Variants in DNAH7 observed in about 807,000 individuals in gnomAD.
DNAH7 encodes axonemal beta dynein heavy chain 7.
A neutral mutation model predicts 444.6 loss-of-function variants in DNAH7; 397 were observed. The ratio of observed to expected loss-of-function variants is 0.89; its 90% CI spans 0.82 to 0.97. The LOEUF is 0.97. Ranked by LOEUF, DNAH7 falls within the 50% of genes least tolerant of loss-of-function variation. DNAH7 has a pLI of 0.00. For synonymous variants in DNAH7, 1,636 were observed against 1,624.4 expected (o/e 1.01, Z -0.17); for missense variants, 4,902 against 4,800.8 (o/e 1.02, Z -0.62).
chr2:196,016,246 C>A (rs145835819), intron 9 of DNAH7, among the ~76,000 whole-genome samples: 1 of 151,856 alleles, frequency 6.6e-6, no homozygotes. Context: ...TAAAAAAAAA[C>A]GATAACTTGT....
chr2:195,962,291 G>A (rs1413173706), intron 17 of DNAH7, among the ~76,000 whole-genome samples: 1 of 152,184 alleles, frequency 6.6e-6, no homozygotes, highest in Non-Finnish European at 1.5e-5. Flanking sequence ...TATGTTAAAT[G>A]GGGTATCCAT....
chr2:195,885,494 CTT>C (rs1701651817), intron 34 of DNAH7, among the ~76,000 whole-genome samples: 3 of 152,216 alleles, frequency 2.0e-5, no homozygotes, highest in Non-Finnish European at 1.5e-5. Context: ...TACTCACAGA[CTT>C]TCTCTCCAGA....
intron 27 of DNAH7, chr2:195,902,090 T>A (rs1009224443): frequency 6.6e-6 from 1 of 152,138 alleles, no homozygotes; most frequent in African/African-American, 2.4e-5. Context: ...AGATAGTTCA[T>A]AAGTACATTC....
chr2:196,041,807 G>C (rs554886459), intron 5 of DNAH7, among the ~76,000 whole-genome samples: 7 of 151,728 alleles, frequency 4.6e-5, no homozygotes, highest in Non-Finnish European at 8.9e-5. Context: ...CCATAGACAA[G>C]GGATAAGGGA....
intron 6 of DNAH7, 93 bp from the exon 7 acceptor site, chr2:196,027,033 G>A (rs1488025419): frequency 2.4e-5 from 22 of 911,342 alleles, no homozygotes; most frequent in Non-Finnish European, 3.4e-5. Flanking sequence ...AGTTTTAGGA[G>A]AACAAAGTAT....
At chr2:195,885,994 C>G in intron 34 of DNAH7, 147 bp downstream of exon 34, 1 of 916,622 alleles carries the variant, frequency 1.1e-6, no homozygotes, top group Non-Finnish European at 1.6e-6. Flanking sequence ...GAATTTGGGG[C>G]CTGGCTCTTT....
intron 63 of DNAH7, among the ~76,000 whole-genome samples, chr2:195,749,726 G>A (rs140981326): frequency 0.15 from 23,352 of 150,818 alleles, 2,179 homozygotes; most frequent in African/African-American, 0.26. Flanking sequence ...GTAAACTATC[G>A]CAAGAACAAG....
intron 9 of DNAH7, among the ~76,000 whole-genome samples, chr2:196,014,290 G>C (rs911420601): frequency 3.3e-5 from 5 of 152,142 alleles, no homozygotes; most frequent in African/African-American, 4.8e-5. Context: ...CTTCAATTTG[G>C]TTAGCAGAAG....
rs1300992079 is a variant in DNAH7 at position 195,950,863 on chromosome 2, A to AC, written c.3078+6397_3078+6398insG. The stretch of plus-strand genomic sequence containing the variant: ...TGGGACTCTGTCTCAAAAAAAAAAA[A>AC]AAAAAAAAAAAAAAAACCCAGCTCC... On this transcript the variant is annotated intron_variant, in intron 19 of 64. Transcript: ENST00000312428. Among the ~76,000 whole-genome samples, 5 of 148,040 alleles carry AC rather than the reference A, an allele frequency of 3.4e-5. 1 individual carries two copies. Among genetic ancestry groups the AC allele is most frequent in the African/African-American group, 1.0e-4 (4 of 40,116 alleles).
In DNAH7 at chr2:195,988,012, T is replaced by C. The variant is rs751611878; in HGVS notation, c.1571A>G (p.Asp524Gly). ...AENHSYEKII[D>G]EICKYQKLIE... ...TAGTTTCTGGTATTTGCAAATTTCA[T>C]CTATTATTTTTTCATAACTATGATT... is the stretch of plus-strand genomic sequence containing the variant. The change falls in exon 13 of 65, where the codon GAT becomes GGT. Residue 524 changes from aspartate (D) to glycine (G), a missense_variant. Asp to Gly is a moderately conservative substitution (Grantham distance 94, BLOSUM62 -1). Transcript: ENST00000312428. 3.2e-5 allele frequency: 51 copies of C among 1,612,836 alleles called. No individual in the cohort carries two copies. The highest frequency in any genetic ancestry group is 4.1e-5 in the Non-Finnish European group (48 of 1,179,386).
intron 1 of DNAH7, among the ~76,000 whole-genome samples, chr2:196,059,506 A>ATCATGGGTG (rs1479708238): frequency 1.3e-5 from 2 of 152,220 alleles, no homozygotes; most frequent in Non-Finnish European, 2.9e-5. Flanking sequence ...CCAGCATATT[A>ATCATGGGTG]TCATGGGTGC....
chr2:195,845,828 C>T (rs1037115783), intron 46 of DNAH7, among the ~76,000 whole-genome samples: 1 of 152,112 alleles, frequency 6.6e-6, no homozygotes, highest in African/African-American at 2.4e-5. Context: ...GAAATTGGAC[C>T]CATTCGTTAC....
In DNAH7 at chr2:195,969,984, T is replaced by C. The variant is rs1391866539; in HGVS notation, c.2169A>G (p.Gln723=). 3 of 1,611,456 alleles carry C rather than the reference T, an allele frequency of 1.9e-6. No homozygotes were observed. Among genetic ancestry groups the C allele is most frequent in the South Asian group, 1.1e-5 (1 of 90,182 alleles). Residue 723 remains glutamine (Q), a synonymous_variant, in exon 17 of 65, where the codon CAA becomes CAG. Transcript: ENST00000312428. The stretch of plus-strand genomic sequence containing the variant: ...CTAAATCCAACTTTCCATTCAGTAT[T>C]TGAGCCTTTTTTAGGTACCGCTGAA... The part of the protein sequence containing the change: ...QDVQRYLKKA[Q]ILNGKLDLAA...
Position 195,796,306 on chromosome 2 carries a change from C to T in DNAH7, c.10515+270G>A, listed in dbSNP as rs146648254. On this transcript the variant is annotated intron_variant, in intron 56 of 64. Transcript: ENST00000312428. ...ATCTACCCTGTGGTTTACTCTCCTC[C>T]TTCAGCCTGCTCCTCAGGATTGAGG... is the stretch of plus-strand genomic sequence containing the variant. 5.5e-3 allele frequency among the ~76,000 whole-genome samples: 836 copies of T among 152,262 alleles called. 9 individuals carry two copies. Among genetic ancestry groups the T allele is most frequent in the African/African-American group, 0.019 (796 of 41,540 alleles).
intron 43 of DNAH7, among the ~76,000 whole-genome samples, chr2:195,858,177 G>T (rs1699816874): frequency 6.6e-6 from 1 of 152,088 alleles, no homozygotes; most frequent in Admixed American, 6.6e-5. Flanking sequence ...TAATCTCAAA[G>T]CTTATGTCTT....
Position 195,771,843 on chromosome 2 carries a change from A to G in DNAH7, c.11250T>C (p.Asn3750=). The G allele has an allele frequency of 6.2e-7, 1 of 1,614,204 alleles. No homozygotes were observed. The highest frequency in any genetic ancestry group is 8.5e-7 in the Non-Finnish European group (1 of 1,180,032). ...AGAKSSDEVV[N]EVASDILGKL... is the part of the protein sequence containing the mutation. ...TGCCCAAGATGTCACTAGCGACCTC[A>G]TTCACTACTTCATCTGATGATTTTG... The change falls in exon 61 of 65, where the codon AAT becomes AAC. Residue 3750 remains asparagine (N), a synonymous_variant. Coordinates refer to ENST00000312428, the MANE Select transcript of DNAH7 (RefSeq NM_018897.3).
At chr2:195,749,289 C>T (rs1693630450) in intron 63 of DNAH7, among the ~76,000 whole-genome samples, 2 of 152,026 alleles carry the variant, frequency 1.3e-5, no homozygotes, top group South Asian at 2.1e-4. Flanking sequence ...GAGATACCAT[C>T]TCACACCAGT....
chr2:195,872,017 T>C (rs1481370639), intron 40 of DNAH7, among the ~76,000 whole-genome samples: 1 of 147,686 alleles, frequency 6.8e-6, no homozygotes, highest in Non-Finnish European at 1.5e-5. Flanking sequence ...TGAAATATTC[T>C]ATAAATCAAC....
intron 8 of DNAH7, among the ~76,000 whole-genome samples, chr2:196,024,083 A>G (rs568803748): frequency 2.0e-4 from 31 of 152,348 alleles, no homozygotes; most frequent in African/African-American, 7.0e-4. Context: ...AGATGTAATA[A>G]TAACAGAAAA....
Sources: gnomAD v4.1 joint callset for allele counts (sites outside exome capture counted in the v4.1 genomes callset) on GRCh38, gnomAD v4.1.1 for gene constraint, MANE v1.5 for transcripts, NCBI Gene and HGNC (gene_info 2026-07-23, HGNC 2026-07-21) for gene names.